RBFOX1: variants seen among roughly 807,000 people sequenced by gnomAD.
RBFOX1 encodes RNA binding protein fox-1 homolog 1.
RBFOX1 carries 8 observed loss-of-function variants against 57.7 expected under a neutral mutation model. The ratio of observed to expected loss-of-function variants is 0.14; its 90% CI spans 0.08 to 0.25. The LOEUF is 0.25. Ranked by LOEUF, RBFOX1 falls within the 10% of genes least tolerant of loss-of-function variation. The pLI is 1.00. For synonymous variants in RBFOX1, 326 were observed against 222.4 expected (o/e 1.47, Z -4.15); for missense variants, 611 against 548.5 (o/e 1.11, Z -1.14).
rs146119502 is a variant in RBFOX1 at position 7,340,127 on chromosome 16, C to G, written c.28-178020C>G. On this transcript the variant is annotated intron_variant, in intron 4 of 15. Transcript: ENST00000550418. ...CCACTTTAGAGCCAGAGGGCAGGGT[C>G]AGCCCCAAGAAAGCTGCATAGACTA... Among the ~76,000 whole-genome samples, 355 of 152,344 alleles carry G rather than the reference C, an allele frequency of 2.3e-3. 3 individuals carry two copies. In the Middle Eastern group the frequency reaches 0.031, roughly 13 times the overall value.
chr16:6,338,294 A>T (rs2084046243), intron 2 of RBFOX1, among the ~76,000 whole-genome samples: 3 of 152,212 alleles, frequency 2.0e-5, no homozygotes. Context: ...GGATTATATC[A>T]AGATTACCTA....
In RBFOX1 at chr16:7,290,571, C is replaced by T. The variant is rs189457711; in HGVS notation, c.28-227576C>T. Among the ~76,000 whole-genome samples the T allele has an allele frequency of 1.2e-4, 19 of 152,312 alleles. No homozygotes were observed. The South Asian group carries it at 3.7e-3, about 30-fold the overall frequency. On this transcript the variant is annotated intron_variant, in intron 4 of 15. Transcript: ENST00000550418. ...TAGTAAATTAAATGAATCTCAGAAACATGAAAATGGAAGAGGACTAATATT... is the reference window on the plus strand; with the variant it reads ...TAGTAAATTAAATGAATCTCAGAAATATGAAAATGGAAGAGGACTAATATT...
At chr16:6,650,127 T>A (rs184385091) in intron 2 of RBFOX1, among the ~76,000 whole-genome samples, 1 of 152,196 alleles carries the variant, frequency 6.6e-6, no homozygotes. Flanking sequence ...TGTTTTTAAT[T>A]TTTTGAGAAG....
At chr16:7,126,403 G>T in intron 4 of RBFOX1, 1 of 239,942 alleles carries the variant, frequency 4.2e-6, no homozygotes, top group South Asian at 6.1e-5. Context: ...ACTTTACTGT[G>T]AACTGTGCAG....
intron 2 of RBFOX1, among the ~76,000 whole-genome samples, chr16:6,511,121 G>C (rs902275281): frequency 6.6e-6 from 1 of 152,136 alleles, no homozygotes; most frequent in Non-Finnish European, 1.5e-5. Flanking sequence ...GCAGGCACTG[G>C]ATAAAGCCCA....
Position 6,425,919 on chromosome 16 carries a change from G to C in RBFOX1, c.-64+108862G>C, listed in dbSNP as rs547773061. On this transcript the variant is annotated intron_variant, in intron 2 of 15. Transcript: ENST00000550418. ...ATTTAGTACATTAGCTTCCCAAAAA[G>C]AATCCCATGCCTATTAAGCAACCCC... Among the ~76,000 whole-genome samples the C allele has an allele frequency of 1.5e-4, 23 of 152,172 alleles. No homozygotes were observed. The South Asian group carries it at 4.6e-3, about 30-fold the overall frequency.
intron 4 of RBFOX1, among the ~76,000 whole-genome samples, chr16:7,419,453 C>G (rs142668908): frequency 6.6e-6 from 1 of 152,218 alleles, no homozygotes; most frequent in Non-Finnish European, 1.5e-5. Context: ...GCAATGCAAC[C>G]GGCACCTTTG....
At chr16:6,841,579 G>C (rs560817110) in intron 3 of RBFOX1, among the ~76,000 whole-genome samples, 1 of 152,124 alleles carries the variant, frequency 6.6e-6, no homozygotes, top group African/African-American at 2.4e-5. Flanking sequence ...CCTACGAGCT[G>C]TCCACCCACA....
chr16:6,112,086 A>T (rs1488217231), intron 1 of RBFOX1, among the ~76,000 whole-genome samples: 1 of 152,204 alleles, frequency 6.6e-6, no homozygotes, highest in Non-Finnish European at 1.5e-5. Context: ...GGCCCAGTGT[A>T]AGAGTGGTTT....
At chr16:7,301,532 G>T (rs193208218) in intron 4 of RBFOX1, among the ~76,000 whole-genome samples, 1 of 152,200 alleles carries the variant, frequency 6.6e-6, no homozygotes, top group South Asian at 2.1e-4. Context: ...CAACTTTGGG[G>T]AGAAAACGGA....
intron 3 of RBFOX1, among the ~76,000 whole-genome samples, chr16:6,957,305 G>T (rs1318269650): frequency 6.6e-6 from 1 of 151,674 alleles, no homozygotes; most frequent in African/African-American, 2.4e-5. Flanking sequence ...CTAATTTTTT[G>T]TATTTTTAGT....
intron 3 of RBFOX1, among the ~76,000 whole-genome samples, chr16:6,691,064 T>A (rs951045536): frequency 6.6e-6 from 1 of 152,170 alleles, no homozygotes; most frequent in Admixed American, 6.5e-5. Flanking sequence ...TTCCTTCTGA[T>A]TGTTAACATG....
intron 1 of RBFOX1, among the ~76,000 whole-genome samples, chr16:6,237,560 G>A (rs922247027): frequency 6.6e-6 from 1 of 152,014 alleles, no homozygotes; most frequent in Non-Finnish European, 1.5e-5. Flanking sequence ...TTGCCAAGAT[G>A]GTGAAACCTC....
chr16:5,893,799 C>G (rs1214177518), intron 4 of RBFOX1, among the ~76,000 whole-genome samples: 1 of 139,032 alleles, frequency 7.2e-6, no homozygotes, highest in African/African-American at 2.7e-5. Flanking sequence ...GAGCAAGACT[C>G]CACCTCAAAA....
chr16:5,325,711 T>C (rs2064551359), intron 1 of RBFOX1, among the ~76,000 whole-genome samples: 1 of 152,212 alleles, frequency 6.6e-6, no homozygotes, highest in Admixed American at 6.5e-5. Context: ...CTAGCTGCTT[T>C]CCTTTAGTGT....
chr16:6,993,688 T>A (rs2091856043), intron 3 of RBFOX1, among the ~76,000 whole-genome samples: 2 of 152,180 alleles, frequency 1.3e-5, no homozygotes, highest in East Asian at 1.9e-4. Context: ...TTAGGTAATA[T>A]ATTTAATGTT....
At chr16:6,061,902 C>G (rs1176657161) in intron 1 of RBFOX1, among the ~76,000 whole-genome samples, 1 of 152,114 alleles carries the variant, frequency 6.6e-6, no homozygotes, top group Non-Finnish European at 1.5e-5. Flanking sequence ...AAGGATTCTG[C>G]CGCCAAGACT....
intron 3 of RBFOX1, among the ~76,000 whole-genome samples, chr16:5,773,906 T>C (rs1166122834): frequency 1.3e-5 from 2 of 152,012 alleles, no homozygotes; most frequent in Non-Finnish European, 2.9e-5. Flanking sequence ...CCATGTTAGG[T>C]TGGTCTCGAT....
chr16:7,710,844 TAAAAAAAA>T lies in RBFOX1; in HGVS notation c.*106_*113del, dbSNP rs5815427. 1 of 793,236 alleles carries T rather than the reference TAAAAAAAA, an allele frequency of 1.3e-6. No homozygotes were observed. Among genetic ancestry groups the T allele is most frequent in the Non-Finnish European group, 1.7e-6 (1 of 593,438 alleles). 49.1% of individuals were successfully genotyped at this position (793,236 alleles called of 1,614,324 possible). On this transcript the variant is annotated 3_prime_UTR_variant, in exon 16 of 16. Transcript: ENST00000550418. Reference sequence around the variant, plus strand: ...CAGTAGTACATCATTTTAGCAACTCTAAAAAAAAAAAAAATACAAATAAAAAGGAAAAA... The same window carrying T: ...CAGTAGTACATCATTTTAGCAACTCTAAAAAATACAAATAAAAAGGAAAAA...
Sources: gnomAD v4.1 joint callset for allele counts (sites outside exome capture counted in the v4.1 genomes callset) on GRCh38, gnomAD v4.1.1 for gene constraint, MANE v1.5 for transcripts, NCBI Gene and HGNC (gene_info 2026-07-23, HGNC 2026-07-21) for gene names.